Variants in CELF1 observed in about 807,000 individuals in gnomAD.
CELF1 encodes 50 kDa nuclear polyadenylated RNA-binding protein.
A neutral mutation model predicts 61.8 loss-of-function variants in CELF1; 10 were observed. That is an observed-to-expected ratio of 0.16 (90% CI 0.10 to 0.27). The LOEUF (loss-of-function observed/expected upper bound fraction) is 0.27. Among genes scored for constraint, CELF1 ranks in the 10% least tolerant of loss-of-function variants. The pLI is 1.00. For synonymous variants in CELF1, 236 were observed against 225.1 expected (o/e 1.05, Z -0.43); for missense variants, 380 against 639.1 (o/e 0.59, Z 4.37).
intron 4 of CELF1, 28 bp from the exon 5 acceptor site, chr11:47,487,269 A>C: frequency 6.4e-7 from 1 of 1,559,602 alleles, no homozygotes. Context: ...TCATAAAATC[A>C]AACTTTGGAA....
intron 2 of CELF1, among the ~76,000 whole-genome samples, chr11:47,560,700 T>C (rs1455815435): frequency 6.6e-6 from 1 of 152,128 alleles, no homozygotes; most frequent in Non-Finnish European, 1.5e-5. Flanking sequence ...CTGAATTGTA[T>C]AGTTAGGAGG....
At chr11:47,517,522 G>T (rs1432352051) in intron 1 of CELF1, among the ~76,000 whole-genome samples, 3 of 152,124 alleles carry the variant, frequency 2.0e-5, no homozygotes, top group Non-Finnish European at 4.4e-5. Context: ...CATATAATAA[G>T]AAAGGAATTA....
intron 1 of CELF1, among the ~76,000 whole-genome samples, chr11:47,546,193 T>C (rs912703115): frequency 2.9e-5 from 4 of 136,050 alleles, no homozygotes; most frequent in Admixed American, 1.7e-4. Flanking sequence ...GGGAGAAAAA[T>C]AGGAGAAAGG....
At chr11:47,510,911 G>C (rs2095091098) in intron 1 of CELF1, among the ~76,000 whole-genome samples, 1 of 152,116 alleles carries the variant, frequency 6.6e-6, no homozygotes, top group Admixed American at 6.6e-5. Flanking sequence ...GCTGGGTACA[G>C]TGGCTCATAC....
chr11:47,545,057 C>T (rs754357011), intron 1 of CELF1, among the ~76,000 whole-genome samples: 9 of 152,088 alleles, frequency 5.9e-5, no homozygotes, highest in Non-Finnish European at 1.0e-4. Context: ...CCCAGACAGG[C>T]GGATAACTTG....
intron 1 of CELF1, among the ~76,000 whole-genome samples, chr11:47,552,180 T>C (rs2097155444): frequency 6.6e-6 from 1 of 152,166 alleles, no homozygotes; most frequent in Non-Finnish European, 1.5e-5. Context: ...GAGATTCCAT[T>C]TTGCGGAAAC....
At chr11:47,527,742 G>A (rs1274044921) in intron 1 of CELF1, among the ~76,000 whole-genome samples, 1 of 152,154 alleles carries the variant, frequency 6.6e-6, no homozygotes, top group Non-Finnish European at 1.5e-5. Context: ...TAAGATCACA[G>A]CTTTAATTAC....
intron 4 of CELF1, among the ~76,000 whole-genome samples, chr11:47,487,602 T>C (rs2088290656): frequency 6.6e-6 from 1 of 152,228 alleles, no homozygotes; most frequent in South Asian, 2.1e-4. Context: ...GATGGGGCTC[T>C]ATACTTTTGC....
At chr11:47,547,410 G>A (rs1565910939) in intron 1 of CELF1, among the ~76,000 whole-genome samples, 2 of 152,126 alleles carry the variant, frequency 1.3e-5, no homozygotes, top group African/African-American at 2.4e-5. Context: ...GGGCACGGTG[G>A]TTCATGCCCG....
Position 47,529,301 on chromosome 11 carries a change from C to A in CELF1, c.-154+23691G>T, listed in dbSNP as rs1331521810. On this transcript the variant is annotated intron_variant, in intron 1 of 14. Coordinates refer to ENST00000687097, the MANE Select transcript of CELF1 (RefSeq NM_001376376.1). ...CGAGGCCGGGGACAGTGGCTCCCAG[C>A]ACTTTGGGAGGCTGAGGCAGGTGGA... 3.3e-5 allele frequency among the ~76,000 whole-genome samples: 5 copies of A among 152,132 alleles called. No homozygotes were observed. In the East Asian group the frequency reaches 7.7e-4, roughly 23 times the overall value.
At chr11:47,487,277 GA>G in intron 4 of CELF1, 36 bp from the exon 5 acceptor site, 1 of 1,511,902 alleles carries the variant, frequency 6.6e-7, no homozygotes, top group Non-Finnish European at 9.1e-7. Flanking sequence ...TCAAACTTTG[GA>G]AAGCAGAGAA....
At chr11:47,534,022 C>CTTTTTT (rs71042679) in intron 1 of CELF1, among the ~76,000 whole-genome samples, 15 of 87,606 alleles carry the variant, frequency 1.7e-4, no homozygotes, top group East Asian at 7.7e-4. Context: ...TTTTTCTTTC[C>CTTTTTT]TTTTTTTTTT....
intron 1 of CELF1, among the ~76,000 whole-genome samples, chr11:47,540,727 T>C (rs542647870): frequency 1.4e-4 from 22 of 151,964 alleles, no homozygotes; most frequent in Middle Eastern, 6.8e-3. Context: ...CTACTAAAAA[T>C]ACAAAAATTA....
chr11:47,520,258 T>C (rs984212143), intron 1 of CELF1, among the ~76,000 whole-genome samples: 2 of 152,238 alleles, frequency 1.3e-5, no homozygotes, highest in African/African-American at 4.8e-5. Flanking sequence ...CTGATTCTTA[T>C]TTCCCTGTCT....
intron 2 of CELF1, among the ~76,000 whole-genome samples, chr11:47,499,995 G>C (rs781696344): frequency 2.1e-4 from 32 of 152,322 alleles, no homozygotes; most frequent in Admixed American, 3.9e-4. Flanking sequence ...GAAATGGGTT[G>C]TTAGCCTTGC....
At chr11:47,530,778 G>A (rs1487007747) in intron 1 of CELF1, among the ~76,000 whole-genome samples, 4 of 151,402 alleles carry the variant, frequency 2.6e-5, no homozygotes, top group African/African-American at 7.3e-5. Flanking sequence ...AACACAGGGG[G>A]ACCCTGTCTC....
chr11:47,495,202 T>C (rs2092838295), intron 3 of CELF1, among the ~76,000 whole-genome samples: 1 of 152,190 alleles, frequency 6.6e-6, no homozygotes, highest in Non-Finnish European at 1.5e-5. Context: ...ATGGAGAAGC[T>C]CAAAGTGCTG....
At position 47,500,865 on chromosome 11, in the gene CELF1, A is replaced by G; in HGVS notation, c.-86T>C. On this transcript the variant is annotated 5_prime_UTR_variant, in exon 2 of 15. Coordinates refer to ENST00000687097, the MANE Select transcript of CELF1 (RefSeq NM_001376376.1). ...TTATCATTAGAGTTGCCTTACCTCA[A>G]AGATTTCACTTCACCCAAGCTCAGT... 2.5e-6 allele frequency: 1 copy of G among 398,536 alleles called. No homozygotes were observed. Among genetic ancestry groups the G allele is most frequent in the Non-Finnish European group, 4.4e-6 (1 of 226,036 alleles). The allele number at this position is 398,536 out of a possible 1,614,324, so 24.7% of individuals were successfully genotyped here. A position where few individuals can be genotyped will look rare whatever the true frequency, so the allele number is the denominator to read the frequency against.
At chr11:47,541,682 C>A (rs1308721354) in intron 1 of CELF1, among the ~76,000 whole-genome samples, 2 of 2,218 alleles carry the variant, frequency 9.0e-4, no homozygotes, top group Non-Finnish European at 1.1e-3. Flanking sequence ...CAGGGCGAGA[C>A]TGTCAAAGAA....
Sources: allele counts gnomAD v4.1 joint callset (sites outside exome capture counted in the v4.1 genomes callset), GRCh38; gene constraint gnomAD v4.1.1; transcripts MANE v1.5; gene names NCBI Gene and HGNC (gene_info 2026-07-23, HGNC 2026-07-21).